COG3: variants seen among roughly 807,000 people sequenced by gnomAD.
The protein encoded by COG3 is conserved oligomeric Golgi complex subunit 3.
A neutral mutation model predicts 114.1 loss-of-function variants in COG3; 32 were observed. The observed-to-expected ratio is 0.28, with a 90% CI of 0.21 to 0.38. The LOEUF is 0.38. Ranked by LOEUF, COG3 falls within the 10% of genes least tolerant of loss-of-function variation. COG3 has a pLI of 1.00. For missense variants in COG3, 813 were observed against 973.2 expected, an observed-to-expected ratio of 0.84 and a Z score of 2.19; for synonymous variants, 352 against 365.7, an observed-to-expected ratio of 0.96 and a Z score of 0.43.
Position 45,530,739 on chromosome 13 carries a change from C to T in COG3, c.2416C>T (p.Pro806Ser), listed in dbSNP as rs1873102204. The T allele has an allele frequency of 7.4e-6, 12 of 1,613,322 alleles. No individual in the cohort carries two copies. The highest frequency in any genetic ancestry group is 9.3e-6 in the Non-Finnish European group (11 of 1,179,360). Residue 806 changes from proline to serine, a missense_variant, in exon 22 of 23, where the codon CCT becomes TCT. This residue lies in a region of COG3 where 389 missense variants were observed against 542.6 expected (regional missense o/e 0.72). Transcript: ENST00000349995. ...CGCTCTGTTAAAGGAAGAGTTCAGC[C>T]CTGAAGACATCCAGATCATTGCCTG... ...FHALLKEEFS[P>S]EDIQIIACPS...
intron 9 of COG3, 104 bp from the exon 10 acceptor site, chr13:45,491,308 C>G: frequency 8.7e-7 from 1 of 1,155,074 alleles, no homozygotes. Context: ...GAGAGGTGAC[C>G]GTTATAGCTT....
chr13:45,496,361 AT>A, intron 13 of COG3, 49 bp downstream of exon 13: 2 of 1,313,980 alleles, frequency 1.5e-6, no homozygotes, highest in Non-Finnish European at 2.0e-6. Context: ...CAGCTTTTAG[AT>A]GTTTTATTTA....
In COG3 at chr13:45,527,496, G is replaced by A. The variant is rs534445423; in HGVS notation, c.2231-2295G>A. Among the ~76,000 whole-genome samples, 40 of 152,242 alleles carry A rather than the reference G, an allele frequency of 2.6e-4. No individual in the cohort carries two copies. In the South Asian group the frequency reaches 6.8e-3, roughly 26 times the overall value. On this transcript the variant is annotated intron_variant, in intron 20 of 22. Transcript: ENST00000349995. ...CTTGAATGCCAAAGAGAGATTTATG[G>A]CCCCTTGGGGTGGGAGCATTGAGGA... is the stretch of plus-strand genomic sequence containing the variant.
intron 22 of COG3, among the ~76,000 whole-genome samples, chr13:45,532,472 T>C (rs1873236825): frequency 6.6e-6 from 1 of 151,762 alleles, no homozygotes; most frequent in Non-Finnish European, 1.5e-5. Flanking sequence ...TTTGGAGAAG[T>C]CTTGTTCCTT....
At chr13:45,503,393 T>G (rs562980918) in intron 14 of COG3, 44 bp downstream of exon 14, 6 of 1,055,916 alleles carry the variant, frequency 5.7e-6, no homozygotes, top group Non-Finnish European at 8.9e-6. Context: ...TCATTTGGGT[T>G]AACAAACCTT....
chr13:45,532,944 G>T (rs899861832), intron 22 of COG3, among the ~76,000 whole-genome samples: 1 of 151,908 alleles, frequency 6.6e-6, no homozygotes, highest in African/African-American at 2.4e-5. Context: ...CTACAAGGAG[G>T]GGAAAATATC....
intron 1 of COG3, among the ~76,000 whole-genome samples, chr13:45,474,151 C>CTCTTTTTTT (rs1380085026): frequency 2.4e-5 from 2 of 82,016 alleles, no homozygotes; most frequent in African/African-American, 9.9e-5. Context: ...CTTTTTTACT[C>CTCTTTTTTT]TTTTTTTTTT....
chr13:45,494,106 C>T (rs893398822), intron 12 of COG3, among the ~76,000 whole-genome samples: 1 of 152,052 alleles, frequency 6.6e-6, no homozygotes. Flanking sequence ...GGGTGGATCA[C>T]CTGAGGTCAG....
chr13:45,466,455 C>T (rs962288546), intron 1 of COG3: 2 of 152,218 alleles, frequency 1.3e-5, no homozygotes, highest in Non-Finnish European at 2.9e-5. Context: ...TCTTCACATT[C>T]ACTGTTGTAT....
chr13:45,513,447 TTA>T (rs1410788993), intron 16 of COG3, among the ~76,000 whole-genome samples: 5 of 76,836 alleles, frequency 6.5e-5, no homozygotes, highest in Admixed American at 1.5e-4. Context: ...TACATATAAA[TTA>T]TATATATAAT....
intron 13 of COG3, among the ~76,000 whole-genome samples, chr13:45,499,704 G>GA (rs1305436086): frequency 6.6e-6 from 1 of 152,160 alleles, no homozygotes; most frequent in Non-Finnish European, 1.5e-5. Flanking sequence ...TTGAAATATT[G>GA]AAAAACAGAA....
At chr13:45,511,113 C>T (rs1314687827) in intron 15 of COG3, among the ~76,000 whole-genome samples, 7 of 151,128 alleles carry the variant, frequency 4.6e-5, no homozygotes, top group African/African-American at 1.7e-4. Flanking sequence ...ATAGTAATGG[C>T]AGAATTAAAT....
intron 14 of COG3, among the ~76,000 whole-genome samples, chr13:45,508,409 C>T (rs1179375347): frequency 7.6e-4 from 68 of 89,506 alleles, no homozygotes; most frequent in African/African-American, 4.9e-3. Flanking sequence ...TATATACACA[C>T]ACACACACAC....
intron 12 of COG3, among the ~76,000 whole-genome samples, chr13:45,495,525 A>G (rs1250025762): frequency 1.3e-5 from 2 of 150,748 alleles, no homozygotes; most frequent in Non-Finnish European, 3.0e-5. Flanking sequence ...ACAGATGCAC[A>G]CCACCACGCC....
At chr13:45,478,299 C>T (rs1379206383) in intron 2 of COG3, among the ~76,000 whole-genome samples, 1 of 151,104 alleles carries the variant, frequency 6.6e-6, no homozygotes, top group Admixed American at 6.6e-5. Flanking sequence ...TCATGCCATT[C>T]TCCCGCCTCA....
intron 2 of COG3, among the ~76,000 whole-genome samples, chr13:45,477,728 G>A (rs1292629706): frequency 6.6e-6 from 1 of 151,532 alleles, no homozygotes; most frequent in Non-Finnish European, 1.5e-5. Context: ...CTGGGTTCAC[G>A]CCATTCTCCT....
rs1402611983 is a variant in COG3 at position 45,521,516 on chromosome 13, C to G, written c.2154+2422C>G. 3.3e-5 allele frequency among the ~76,000 whole-genome samples: 5 copies of G among 151,936 alleles called. 1 individual carries two copies. The highest frequency in any genetic ancestry group is 2.6e-4 in the Admixed American group (4 of 15,268). ...AGCTTCCCTTTTATGGTGTCATATT[C>G]CAGATTCAGTTCCCTTTCATCCTGT... On this transcript the variant is annotated intron_variant, in intron 19 of 22. Transcript: ENST00000349995.
In COG3 at chr13:45,526,988, A is replaced by C. The variant is rs541915497; in HGVS notation, c.2230+1937A>C. On this transcript the variant is annotated intron_variant, in intron 20 of 22. Transcript: ENST00000349995. ...TTTATAGGGCTTAGTTAGAAATAGG[A>C]GCTGATTTTTATTTTGAACATTTAT... Among the ~76,000 whole-genome samples, 7 of 152,292 alleles carry C rather than the reference A, an allele frequency of 4.6e-5. No homozygotes were observed. The East Asian group carries it at 1.3e-3, about 29-fold the overall frequency.
chr13:45,509,727 A>G lies in COG3; in HGVS notation c.1630A>G (p.Thr544Ala), dbSNP rs1870644812. The G allele has an allele frequency of 2.5e-6, 4 of 1,614,166 alleles. No individual in the cohort carries two copies. Among genetic ancestry groups the G allele is most frequent in the Non-Finnish European group, 2.5e-6 (3 of 1,179,994 alleles). Residue 544 changes from threonine (T) to alanine (A), a missense_variant, in exon 15 of 23, where the codon ACA becomes GCA. This residue lies in a region of COG3 where 389 missense variants were observed against 542.6 expected (regional missense o/e 0.72). Coordinates refer to ENST00000349995, the MANE Select transcript of COG3 (RefSeq NM_031431.4). ...ATCCCTCAATCCTAGACCACAGACCACAATTTCTCCAGCAGATCTTCATGG... is the reference window on the plus strand; with the variant it reads ...ATCCCTCAATCCTAGACCACAGACCGCAATTTCTCCAGCAGATCTTCATGG... ...TESLNPRPQT[T>A]ISPADLHGMW...
Sources: gnomAD v4.1 joint callset for allele counts (sites outside exome capture counted in the v4.1 genomes callset) on GRCh38, gnomAD v4.1.1 for gene constraint, gnomAD v4.1.1 regional missense constraint, MANE v1.5 for transcripts, NCBI Gene and HGNC (gene_info 2026-07-23, HGNC 2026-07-21) for gene names.